ZBBX: variants seen among roughly 807,000 people sequenced by gnomAD.
ZBBX encodes the protein zinc finger B-box domain containing.
A neutral mutation model predicts 108.5 loss-of-function variants in ZBBX; 101 were observed. That is an observed-to-expected ratio of 0.93 (90% CI 0.79 to 1.10). The LOEUF is 1.10. Among genes scored for constraint, ZBBX ranks in the 50% least tolerant of loss-of-function variants. The pLI is 0.00. For synonymous variants in ZBBX, 356 were observed against 323.4 expected, an observed-to-expected ratio of 1.10 and a Z score of -1.08; for missense variants, 1,009 against 941.4, an observed-to-expected ratio of 1.07 and a Z score of -0.94.
intron 10 of ZBBX, among the ~76,000 whole-genome samples, chr3:167,333,453 T>TG (rs1739006391): frequency 6.6e-6 from 1 of 152,160 alleles, no homozygotes; most frequent in South Asian, 2.1e-4. Context: ...CTTAAAACTC[T>TG]GGGCAAGGTT....
the ZBBX span, among the ~76,000 whole-genome samples, chr3:167,227,413 C>T: frequency 0.013 from 2,028 of 151,692 alleles, 22 homozygotes; most frequent in South Asian, 0.026. Flanking sequence ...TTCCTCTACC[C>T]GTCCCCAAAG....
At chr3:167,255,643 C>A (rs1723379398) in intron 20 of ZBBX, among the ~76,000 whole-genome samples, 1 of 151,856 alleles carries the variant, frequency 6.6e-6, no homozygotes, top group African/African-American at 2.4e-5. Flanking sequence ...TTTACCTTTT[C>A]TCTCAATTTT....
At chr3:167,246,590 G>A (rs1721608446) in intron 20 of ZBBX, among the ~76,000 whole-genome samples, 1 of 152,140 alleles carries the variant, frequency 6.6e-6, no homozygotes, top group African/African-American at 2.4e-5. Context: ...ATTGTTGTGG[G>A]AACTTAAAGA....
At position 167,339,568 on chromosome 3, in the gene ZBBX, A is replaced by G. The variant is rs999147018; in HGVS notation, c.529-5583T>C. Among the ~76,000 whole-genome samples the G allele has an allele frequency of 3.9e-5, 6 of 152,158 alleles. No individual in the cohort carries two copies. The East Asian group carries it at 1.2e-3, about 29-fold the overall frequency. On this transcript the variant is annotated intron_variant, in intron 9 of 21. Coordinates refer to ENST00000675490, the MANE Select transcript of ZBBX (RefSeq NM_001199201.2). Reference sequence around the variant, plus strand: ...GTTTGGGTTTTGGTTACAAAGCACCATAGGATTTGAGTGGCCTTCTCCTAG... The same window carrying G: ...GTTTGGGTTTTGGTTACAAAGCACCGTAGGATTTGAGTGGCCTTCTCCTAG...
chr3:167,274,193 G>A (rs965120109), intron 20 of ZBBX, among the ~76,000 whole-genome samples: 1 of 152,176 alleles, frequency 6.6e-6, no homozygotes, highest in Non-Finnish European at 1.5e-5. Context: ...CAATGAACTA[G>A]CTAAAAATTC....
chr3:167,389,313 C>T (rs1748016597), intron 1 of ZBBX, among the ~76,000 whole-genome samples: 1 of 152,052 alleles, frequency 6.6e-6, no homozygotes, highest in African/African-American at 2.4e-5. Flanking sequence ...TGAACTCATT[C>T]TTTTTTATGG....
At chr3:167,309,464 G>T (rs1734216227) in intron 16 of ZBBX, among the ~76,000 whole-genome samples, 1 of 152,194 alleles carries the variant, frequency 6.6e-6, no homozygotes, top group Non-Finnish European at 1.5e-5. Flanking sequence ...GGACATTTAG[G>T]CATTTCTGTA....
At chr3:167,215,221 T>C in the ZBBX span, among the ~76,000 whole-genome samples, 1 of 151,640 alleles carries the variant, frequency 6.6e-6, no homozygotes, top group Non-Finnish European at 1.5e-5. Context: ...AGATGTAAAA[T>C]AGGCCACTAG....
At chr3:167,271,171 G>A (rs1417444038) in intron 20 of ZBBX, among the ~76,000 whole-genome samples, 3 of 151,388 alleles carry the variant, frequency 2.0e-5, no homozygotes, top group Non-Finnish European at 3.0e-5. Context: ...ATGCCTTTGG[G>A]GTGGCCCATA....
At chr3:167,400,647 G>T (rs1748397256) in intron 1 of ZBBX, among the ~76,000 whole-genome samples, 1 of 151,952 alleles carries the variant, frequency 6.6e-6, no homozygotes, top group African/African-American at 2.4e-5. Flanking sequence ...AGTTTATTTT[G>T]CCAAGGTTGA....
chr3:167,225,980 TG>T, the ZBBX span, among the ~76,000 whole-genome samples: 1 of 151,394 alleles, frequency 6.6e-6, no homozygotes, highest in Non-Finnish European at 1.5e-5. Context: ...CATGAGGGCA[TG>T]TAGCTTGTCA....
chr3:167,370,899 C>T (rs1043690460), intron 4 of ZBBX, among the ~76,000 whole-genome samples: 17 of 152,070 alleles, frequency 1.1e-4, no homozygotes, highest in Admixed American at 5.2e-4. Flanking sequence ...AGAGGCAACA[C>T]AGATGATATG....
the ZBBX span, among the ~76,000 whole-genome samples, chr3:167,191,827 C>T: frequency 6.3e-4 from 91 of 145,264 alleles, no homozygotes; most frequent in South Asian, 4.4e-4. Flanking sequence ...TCTAGTAGTA[C>T]GCTTTACTTG....
At position 167,406,102 on chromosome 3, in the gene ZBBX, G is replaced by T. The variant is rs1297369323; in HGVS notation, c.-446+1624C>A. On this transcript the variant is annotated intron_variant, in intron 1 of 21. Coordinates refer to the ZBBX transcript ENST00000455345. The stretch of plus-strand genomic sequence containing the variant: ...ATAAATTCTTCCCAAATAGATTATT[G>T]TAGTTTCTTTCATTATTGTAGTTTG... Among the ~76,000 whole-genome samples, 4 of 152,270 alleles carry T rather than the reference G, an allele frequency of 2.6e-5. No individual in the cohort carries two copies. The East Asian group carries it at 5.8e-4, about 22-fold the overall frequency.
At chr3:167,262,372 C>T (rs1450291411) in intron 20 of ZBBX, among the ~76,000 whole-genome samples, 1 of 152,214 alleles carries the variant, frequency 6.6e-6, no homozygotes. Context: ...TCTAGTCCTG[C>T]CTCCAGTCTG....
Position 167,355,625 on chromosome 3 carries a change from T to A in ZBBX, c.432+4245A>T, listed in dbSNP as rs185628920. ...GTGGCTTTCAAATATATATATTCAC[T>A]CATTATCCAGTCAGCATAACCATAT... On this transcript the variant is annotated intron_variant, in intron 8 of 21. Coordinates refer to ENST00000675490, the MANE Select transcript of ZBBX (RefSeq NM_001199201.2). Among the ~76,000 whole-genome samples the A allele has an allele frequency of 6.7e-4, 102 of 151,978 alleles. 1 individual carries two copies. In the East Asian group the frequency reaches 0.014, roughly 20 times the overall value.
At chr3:167,399,435 G>T (rs1291347542) in intron 1 of ZBBX, 1 of 152,102 alleles carries the variant, frequency 6.6e-6, no homozygotes, top group Non-Finnish European at 1.5e-5. Flanking sequence ...TCAGTAGCTT[G>T]CACTCTGGTG....
At chr3:167,185,329 T>A in the ZBBX span, among the ~76,000 whole-genome samples, 1 of 152,122 alleles carries the variant, frequency 6.6e-6, no homozygotes, top group African/African-American at 2.4e-5. Context: ...AAACTATAGG[T>A]CAATAAAAAC....
the ZBBX span, among the ~76,000 whole-genome samples, chr3:167,225,224 G>A: frequency 2.6e-5 from 4 of 151,978 alleles, no homozygotes; most frequent in African/African-American, 7.2e-5. Flanking sequence ...CACTAGACAC[G>A]TGTTTACTGC....
Sources: gnomAD v4.1 joint callset for allele counts (sites outside exome capture counted in the v4.1 genomes callset) on GRCh38, gnomAD v4.1.1 for gene constraint, MANE v1.5 for transcripts, NCBI Gene and HGNC (gene_info 2026-07-23, HGNC 2026-07-21) for gene names.